The following SLC14A2 variants were observed in gnomAD, a reference collection of about 807,000 sequenced individuals.
SLC14A2 encodes urea transporter 2.
SLC14A2 carries 91 observed loss-of-function variants against 104.6 expected under a neutral mutation model. That is an observed-to-expected ratio of 0.87 (90% CI 0.73 to 1.04). The LOEUF (loss-of-function observed/expected upper bound fraction) is 1.04. Among genes scored for constraint, SLC14A2 ranks in the 50% least tolerant of loss-of-function variants. SLC14A2 has a pLI of 0.00. For missense variants in SLC14A2, 1,189 were observed against 1,156.0 expected, an observed-to-expected ratio of 1.03 and a Z score of -0.41; for synonymous variants, 476 against 466.4, an observed-to-expected ratio of 1.02 and a Z score of -0.27.
intron 2 of SLC14A2, among the ~76,000 whole-genome samples, chr18:45,517,019 C>CT (rs918887714): frequency 6.6e-5 from 10 of 152,216 alleles, no homozygotes; most frequent in Admixed American, 2.0e-4. Context: ...CAGGCTCTCA[C>CT]TGTGTGCTGT....
chr18:45,513,014 C>G (rs2043388587), intron 2 of SLC14A2, among the ~76,000 whole-genome samples: 2 of 152,282 alleles, frequency 1.3e-5, no homozygotes, highest in South Asian at 4.2e-4. Flanking sequence ...AGATGGGCCC[C>G]AGAAACTTAC....
intron 1 of SLC14A2, among the ~76,000 whole-genome samples, chr18:45,449,596 C>G (rs1019159255): frequency 8.5e-5 from 13 of 152,148 alleles, no homozygotes; most frequent in Admixed American, 7.9e-4. Context: ...TTCCCTGACC[C>G]CTTCTTTCTC....
chr18:45,545,426 G>A (rs1381480127), intron 2 of SLC14A2, among the ~76,000 whole-genome samples: 1 of 152,068 alleles, frequency 6.6e-6, no homozygotes, highest in Non-Finnish European at 1.5e-5. Context: ...ATTTTCTTTT[G>A]CTACAGTCAA....
At chr18:45,423,131 T>G (rs28603046) in intron 1 of SLC14A2, among the ~76,000 whole-genome samples, 5,425 of 152,112 alleles carry the variant, frequency 0.036, 287 homozygotes, top group African/African-American at 0.11. Context: ...TCTGCTCCAT[T>G]TGGGGAATGA....
chr18:45,433,821 G>A (rs1463857312), intron 1 of SLC14A2, among the ~76,000 whole-genome samples: 1 of 152,122 alleles, frequency 6.6e-6, no homozygotes, highest in Admixed American at 6.6e-5. Context: ...TGGACACTGA[G>A]GATGACAATA....
the SLC14A2 span, among the ~76,000 whole-genome samples, chr18:45,186,574 A>G: frequency 6.6e-6 from 1 of 152,214 alleles, no homozygotes; most frequent in Non-Finnish European, 1.5e-5. Flanking sequence ...CCTTCCTTAC[A>G]AGAATAGCTG....
intron 10 of SLC14A2, among the ~76,000 whole-genome samples, chr18:45,655,233 T>A (rs1442904669): frequency 6.6e-6 from 1 of 152,130 alleles, no homozygotes; most frequent in Non-Finnish European, 1.5e-5. Context: ...AGCCATGCCA[T>A]AAGGAACAAC....
chr18:45,680,178 T>C (rs978171102), intron 19 of SLC14A2, among the ~76,000 whole-genome samples: 1 of 152,208 alleles, frequency 6.6e-6, no homozygotes, highest in Non-Finnish European at 1.5e-5. Flanking sequence ...TATCAGCCTC[T>C]AACTATACCC....
intron 1 of SLC14A2, among the ~76,000 whole-genome samples, chr18:45,400,600 C>G (rs758604911): frequency 2.6e-5 from 4 of 152,158 alleles, no homozygotes; most frequent in Admixed American, 2.0e-4. Flanking sequence ...ACTTTGAGAT[C>G]TCTTCCATTA....
At chr18:45,285,667 C>T (rs56868765) in intron 1 of SLC14A2, among the ~76,000 whole-genome samples, 1 of 93,226 alleles carries the variant, frequency 1.1e-5, no homozygotes. Context: ...ATCTGCCCCC[C>T]CCCCCCCTCG....
chr18:45,168,541 A>T, the SLC14A2 span: 1 of 152,224 alleles, frequency 6.6e-6, no homozygotes, highest in African/African-American at 2.4e-5. Context: ...TATAAGCAGC[A>T]CTCAGTAAAT....
chr18:45,252,698 C>T (rs2084435346), intron 1 of SLC14A2, among the ~76,000 whole-genome samples: 1 of 152,012 alleles, frequency 6.6e-6, no homozygotes, highest in Admixed American at 6.5e-5. Context: ...AAAGCTCAGA[C>T]TCTCTACAAA....
intron 2 of SLC14A2, among the ~76,000 whole-genome samples, chr18:45,556,383 G>A (rs1476195105): frequency 1.3e-5 from 2 of 152,092 alleles, no homozygotes; most frequent in Admixed American, 1.3e-4. Flanking sequence ...CTGAAGACAT[G>A]GAAGGAATCT....
intron 1 of SLC14A2, among the ~76,000 whole-genome samples, chr18:45,229,739 G>A (rs947734018): frequency 1.3e-5 from 2 of 152,142 alleles, no homozygotes; most frequent in Non-Finnish European, 2.9e-5. Flanking sequence ...GCCACATAGT[G>A]GTCTCAATGG....
intron 2 of SLC14A2, among the ~76,000 whole-genome samples, chr18:45,540,073 T>C (rs1235515570): frequency 6.6e-6 from 1 of 152,102 alleles, no homozygotes; most frequent in Non-Finnish European, 1.5e-5. Flanking sequence ...CCTTTCTTTT[T>C]TTCTTTCTTT....
intron 1 of SLC14A2, among the ~76,000 whole-genome samples, chr18:45,442,251 A>G (rs2086692800): frequency 6.6e-6 from 1 of 152,204 alleles, no homozygotes; most frequent in African/African-American, 2.4e-5. Flanking sequence ...TTGTGGTAGT[A>G]TGCTAGCACT....
intron 1 of SLC14A2, among the ~76,000 whole-genome samples, chr18:45,369,568 A>G (rs1195888474): frequency 6.6e-6 from 1 of 152,212 alleles, no homozygotes; most frequent in African/African-American, 2.4e-5. Context: ...CATTTGATAT[A>G]TGTATATGTT....
intron 1 of SLC14A2, among the ~76,000 whole-genome samples, chr18:45,466,367 A>C (rs895792403): frequency 2.6e-5 from 4 of 151,758 alleles, no homozygotes; most frequent in Non-Finnish European, 5.9e-5. Context: ...CTGCCAGAGA[A>C]GGGAGGGCAT....
intron 1 of SLC14A2, among the ~76,000 whole-genome samples, chr18:45,431,885 A>G (rs192020501): frequency 6.6e-6 from 1 of 152,300 alleles, no homozygotes; most frequent in East Asian, 1.9e-4. Context: ...GGAAGAAACA[A>G]ACTTCCCTGA....
Sources: allele counts gnomAD v4.1 joint callset (sites outside exome capture counted in the v4.1 genomes callset), GRCh38; gene constraint gnomAD v4.1.1; transcripts MANE v1.5; gene names NCBI Gene and HGNC (gene_info 2026-07-23, HGNC 2026-07-21).